Variants in RTN1 observed in about 807,000 individuals in gnomAD.
The protein encoded by RTN1 is reticulon-1.
A neutral mutation model predicts 65.5 loss-of-function variants in RTN1; 25 were observed. The ratio of observed to expected loss-of-function variants is 0.38; its 90% CI spans 0.28 to 0.53. RTN1 has a LOEUF of 0.53. Ranked by LOEUF, RTN1 falls within the 20% of genes least tolerant of loss-of-function variation. The pLI, the probability that RTN1 is intolerant of heterozygous loss-of-function variation, is 0.79. For synonymous variants in RTN1, 471 were observed against 447.6 expected, an observed-to-expected ratio of 1.05 and a Z score of -0.66; for missense variants, 983 against 1,025.4, an observed-to-expected ratio of 0.96 and a Z score of 0.57.
chr14:59,605,280 A>G, intron 5 of RTN1, 88 bp downstream of exon 5: 1 of 1,410,170 alleles, frequency 7.1e-7, no homozygotes, highest in South Asian at 1.4e-5. Flanking sequence ...CTTGCTTTTT[A>G]TTCTTCTTGA....
chr14:59,677,066 C>T (rs1883642562), intron 3 of RTN1, among the ~76,000 whole-genome samples: 1 of 152,200 alleles, frequency 6.6e-6, no homozygotes, highest in Admixed American at 6.5e-5. Flanking sequence ...CCAGCCCACA[C>T]TTTCTGAGTG....
chr14:59,754,623 A>G (rs563087222), intron 1 of RTN1, among the ~76,000 whole-genome samples: 2 of 152,328 alleles, frequency 1.3e-5, no homozygotes, highest in South Asian at 4.1e-4. Context: ...ACTAAATGAG[A>G]TAATGCCCTT....
At chr14:59,853,159 TAC>T (rs1295724996) in intron 1 of RTN1, among the ~76,000 whole-genome samples, 7 of 152,214 alleles carry the variant, frequency 4.6e-5, no homozygotes, top group African/African-American at 1.7e-4. Flanking sequence ...GGGGTGTTTG[TAC>T]AGATTTTCCA....
chr14:59,717,613 G>T (rs966398852), intron 3 of RTN1, among the ~76,000 whole-genome samples: 1 of 152,150 alleles, frequency 6.6e-6, no homozygotes, highest in Admixed American at 6.5e-5. Context: ...GGCATTGTGG[G>T]GTGGAGAGAT....
At chr14:59,821,201 C>T (rs983918234) in intron 1 of RTN1, among the ~76,000 whole-genome samples, 1 of 152,096 alleles carries the variant, frequency 6.6e-6, no homozygotes, top group Non-Finnish European at 1.5e-5. Context: ...CAGTGTTTTG[C>T]AGTTCTCACT....
At chr14:59,768,792 C>T (rs112714740) in intron 1 of RTN1, among the ~76,000 whole-genome samples, 2,396 of 152,232 alleles carry the variant, frequency 0.016, 62 homozygotes, top group African/African-American at 0.055. Context: ...TTTCTATATG[C>T]TAAGCACTCT....
chr14:59,614,156 A>AT (rs1247874043), intron 3 of RTN1, among the ~76,000 whole-genome samples: 5 of 152,198 alleles, frequency 3.3e-5, no homozygotes, highest in African/African-American at 9.6e-5. Flanking sequence ...TTACCTTGCA[A>AT]TAAAATGCAG....
intron 3 of RTN1, among the ~76,000 whole-genome samples, chr14:59,716,678 GAGA>G (rs1470372365): frequency 1.3e-5 from 2 of 151,982 alleles, no homozygotes; most frequent in African/African-American, 4.8e-5. Context: ...TGGTGTGAGT[GAGA>G]AGAAGTAGAG....
intron 1 of RTN1, among the ~76,000 whole-genome samples, chr14:59,769,115 A>G (rs879731678): frequency 1.3e-5 from 2 of 152,170 alleles, no homozygotes; most frequent in Admixed American, 1.3e-4. Context: ...GCTCTTAATC[A>G]TTATGTTATA....
chr14:59,847,116 C>T (rs779453373), intron 1 of RTN1, among the ~76,000 whole-genome samples: 8 of 152,180 alleles, frequency 5.3e-5, no homozygotes, highest in Non-Finnish European at 1.0e-4. Context: ...CAGTAAAAAG[C>T]TTTTTCTGAC....
chr14:59,724,328 A>T (rs1240493151), intron 3 of RTN1, among the ~76,000 whole-genome samples: 1 of 152,196 alleles, frequency 6.6e-6, no homozygotes, highest in Admixed American at 6.5e-5. Context: ...GATGCCATCA[A>T]ATATCTGTCA....
At chr14:59,717,211 T>C (rs1402306048) in intron 3 of RTN1, among the ~76,000 whole-genome samples, 1 of 152,202 alleles carries the variant, frequency 6.6e-6, no homozygotes, top group Non-Finnish European at 1.5e-5. Context: ...TTGGGGCACA[T>C]ACTCTGCTTT....
chr14:59,837,901 G>A (rs1887240835), intron 1 of RTN1, among the ~76,000 whole-genome samples: 2 of 151,980 alleles, frequency 1.3e-5, no homozygotes, highest in Non-Finnish European at 2.9e-5. Flanking sequence ...TTTTGCTGGT[G>A]GATGGTCTTG....
At chr14:59,630,674 G>A in intron 3 of RTN1, 1 of 1,190,074 alleles carries the variant, frequency 8.4e-7, no homozygotes. Flanking sequence ...CGCTGGCGCC[G>A]CAGTCTGCGC....
intron 3 of RTN1, among the ~76,000 whole-genome samples, chr14:59,709,109 C>T (rs1240259193): frequency 1.3e-5 from 2 of 151,628 alleles, no homozygotes; most frequent in Non-Finnish European, 2.9e-5. Flanking sequence ...AATAATGAGC[C>T]TAACTAGTTA....
intron 3 of RTN1, among the ~76,000 whole-genome samples, chr14:59,638,779 T>G (rs572725266): frequency 6.6e-6 from 1 of 152,352 alleles, no homozygotes; most frequent in East Asian, 1.9e-4. Context: ...TAGGGTTGGT[T>G]TGGTCTTCTA....
intron 3 of RTN1, among the ~76,000 whole-genome samples, chr14:59,654,827 G>C (rs927745277): frequency 3.3e-5 from 5 of 152,120 alleles, no homozygotes; most frequent in Admixed American, 1.3e-4. Context: ...TTGATAAAGG[G>C]AATCTCCAAA....
chr14:59,832,314 T>TC, intron 1 of RTN1, among the ~76,000 whole-genome samples: 1 of 152,174 alleles, frequency 6.6e-6, no homozygotes, highest in Non-Finnish European at 1.5e-5. Context: ...CCTACATCTT[T>TC]TTTTTTTCGT....
At chr14:59,821,894 C>G (rs922790259) in intron 1 of RTN1, among the ~76,000 whole-genome samples, 5 of 152,114 alleles carry the variant, frequency 3.3e-5, no homozygotes, top group Non-Finnish European at 7.4e-5. Context: ...GCTTTTTGAT[C>G]TGCTCCTGGG....
Sources: allele counts gnomAD v4.1 joint callset (sites outside exome capture counted in the v4.1 genomes callset), GRCh38; gene constraint gnomAD v4.1.1; transcripts MANE v1.5; gene names NCBI Gene and HGNC (gene_info 2026-07-23, HGNC 2026-07-21).